The following BORA variants were observed in gnomAD, a reference collection of about 807,000 sequenced individuals.
BORA encodes the protein protein aurora borealis.
A neutral mutation model predicts 55.8 loss-of-function variants in BORA; 26 were observed. The ratio of observed to expected loss-of-function variants is 0.47; its 90% CI spans 0.34 to 0.65. The LOEUF is 0.65. BORA is among the 30% of genes least tolerant of loss of function. The pLI, the probability that BORA is intolerant of heterozygous loss-of-function variation, is 0.01. For synonymous variants in BORA, 201 were observed against 216.9 expected, an observed-to-expected ratio of 0.93 and a Z score of 0.64; for missense variants, 568 against 671.5, an observed-to-expected ratio of 0.85 and a Z score of 1.70.
chr13:72,735,007 T>C lies in BORA; in HGVS notation c.306+2T>C, dbSNP rs780844901. The C allele has an allele frequency of 6.3e-7, 1 of 1,586,136 alleles. No individual in the cohort carries two copies. On this transcript the variant is annotated splice_donor_variant, in intron 4 of 11. Coordinates refer to ENST00000390667, the MANE Select transcript of BORA (RefSeq NM_024808.5). LOFTEE classifies it high-confidence loss of function. ...AAAAGACAAAAAGCCATTGAAGAGG[T>C]AACTTAAACTGTTACTGATCATTAA...
At chr13:72,752,695 A>T (rs1476156463) in intron 10 of BORA, 11 of 152,208 alleles carry the variant, frequency 7.2e-5, no homozygotes, top group Admixed American at 6.5e-5. Context: ...CTTTTGTTCT[A>T]ATTGGAACAT....
chr13:72,731,337 A>G lies in BORA; in HGVS notation c.210A>G (p.Glu70=). Residue 70 remains glutamate, a synonymous_variant, in exon 3 of 12, where the codon GAA becomes GAG. Transcript: ENST00000390667. ...AACTAGCTGTAATAAATCCTGTAGA[A>G]ATAGACCCAGAAGATATTCATCGTC... ...IDQLAVINPV[E]IDPEDIHRQA... 1 of 1,612,736 alleles carries G rather than the reference A, an allele frequency of 6.2e-7. No individual in the cohort carries two copies. Among genetic ancestry groups the G allele is most frequent in the Non-Finnish European group, 8.5e-7 (1 of 1,179,290 alleles).
intron 10 of BORA, chr13:72,752,065 AAAAT>A (rs2138107512): frequency 6.6e-6 from 1 of 152,282 alleles, no homozygotes; most frequent in South Asian, 2.1e-4. Context: ...ATGTGGTAGA[AAAAT>A]AAATTTAGTA....
chr13:72,735,185 TC>T (rs2032894382), intron 4 of BORA, among the ~76,000 whole-genome samples, 180 bp downstream of exon 4: 1 of 152,200 alleles, frequency 6.6e-6, no homozygotes, highest in Admixed American at 6.5e-5. Context: ...TTTCCAGCTA[TC>T]CCAGTACCTT....
chr13:72,748,203 T>C (rs960229345), intron 10 of BORA, among the ~76,000 whole-genome samples: 1 of 152,200 alleles, frequency 6.6e-6, no homozygotes, highest in East Asian at 1.9e-4. Flanking sequence ...TGTACTGTTA[T>C]CCCTGTTTTA....
At position 72,747,011 on chromosome 13, in the gene BORA, A is replaced by G; in HGVS notation, c.1382A>G (p.Asp461Gly). 1 of 1,614,096 alleles carries G rather than the reference A, an allele frequency of 6.2e-7. No homozygotes were observed. The highest frequency in any genetic ancestry group is 8.5e-7 in the Non-Finnish European group (1 of 1,179,998). The change falls in exon 10 of 12, where the codon GAT (aspartate) becomes GGT (glycine). Residue 461 changes from aspartate to glycine, a missense_variant. Physicochemically the swap from Asp to Gly is moderately conservative, Grantham distance 94 (BLOSUM62 -1). Coordinates refer to ENST00000390667, the MANE Select transcript of BORA (RefSeq NM_024808.5). ...GATAATGGCAGTTTACCCATGACTG[A>G]TTTTGTAAGTGGCATTGCCTTCAGT... ...PVDNGSLPMT[D>G]FVSGIAFSIE...
intron 2 of BORA, among the ~76,000 whole-genome samples, chr13:72,729,652 A>G (rs1430039452): frequency 6.6e-6 from 1 of 152,250 alleles, no homozygotes; most frequent in African/African-American, 2.4e-5. Flanking sequence ...GCCATAGGCA[A>G]TGTGTAAAGA....
chr13:72,731,679 A>C (rs914558872), intron 3 of BORA, among the ~76,000 whole-genome samples: 1 of 152,134 alleles, frequency 6.6e-6, no homozygotes, highest in Non-Finnish European at 1.5e-5. Flanking sequence ...AACATTTTGA[A>C]ATTTGCACTT....
intron 3 of BORA, among the ~76,000 whole-genome samples, chr13:72,732,019 T>C (rs1349444967): frequency 6.6e-6 from 1 of 152,236 alleles, no homozygotes; most frequent in African/African-American, 2.4e-5. Context: ...AAGTGTAAGG[T>C]CCTATTATTC....
chr13:72,753,562 C>A, intron 10 of BORA, 128 bp from the exon 11 acceptor site: 1 of 973,302 alleles, frequency 1.0e-6, no homozygotes, highest in Non-Finnish European at 1.5e-6. Context: ...GAATTTTGTT[C>A]AACATGATCA....
At chr13:72,728,828 G>GT (rs1246690079) in intron 1 of BORA, 98 bp from the exon 2 acceptor site, 21 of 1,129,872 alleles carry the variant, frequency 1.9e-5, no homozygotes, top group Admixed American at 6.0e-5. Flanking sequence ...GTTTTGAGTT[G>GT]TTTTTTGTGA....
chr13:72,755,420 A>G lies in BORA; in HGVS notation c.*204A>G. 1 of 521,656 alleles carries G rather than the reference A, an allele frequency of 1.9e-6. No individual in the cohort carries two copies. The highest frequency in any genetic ancestry group is 3.4e-6 in the Non-Finnish European group (1 of 295,822). 32.3% of individuals were successfully genotyped at this position (521,656 alleles called of 1,614,324 possible). On this transcript the variant is annotated 3_prime_UTR_variant, in exon 12 of 12. Coordinates refer to ENST00000390667, the MANE Select transcript of BORA (RefSeq NM_024808.5). ...CTTCAAGTTGCTGAATTATAAGTTT[A>G]TTTTTTATCAATAAATATTTTTATA... is the stretch of plus-strand genomic sequence containing the variant.
intron 10 of BORA, among the ~76,000 whole-genome samples, chr13:72,750,268 T>C (rs1298070751): frequency 1.3e-5 from 2 of 152,180 alleles, no homozygotes; most frequent in East Asian, 3.8e-4. Context: ...CAAGCAACAT[T>C]GGGCTTGAAA....
chr13:72,749,419 A>G (rs1479570505), intron 10 of BORA, among the ~76,000 whole-genome samples: 4 of 151,986 alleles, frequency 2.6e-5, no homozygotes, highest in Non-Finnish European at 2.9e-5. Flanking sequence ...CACTTCTTGG[A>G]TCTTTTCTTG....
At position 72,737,832 on chromosome 13, in the gene BORA, G is replaced by A. The variant is rs140602437; in HGVS notation, c.307-130G>A. On this transcript the variant is annotated intron_variant, in intron 4 of 11. Coordinates refer to ENST00000390667, the MANE Select transcript of BORA (RefSeq NM_024808.5). ...TCTTCCATTTTTCCTTTGGTCATTT[G>A]TATTAAAATTTTTGCATACAGTTAT... 7 of 318,998 alleles carry A rather than the reference G, an allele frequency of 2.2e-5. 1 individual carries two copies. The highest frequency in any genetic ancestry group is 1.5e-4 in the African/African-American group (7 of 46,020). 19.8% of individuals were successfully genotyped at this position (318,998 alleles called of 1,614,324 possible). A position where few individuals can be genotyped will look rare whatever the true frequency, so the allele number is the denominator to read the frequency against.
chr13:72,727,964 A>T lies in BORA; in HGVS notation c.-59A>T. On this transcript the variant is annotated 5_prime_UTR_variant, in exon 1 of 12. Coordinates refer to ENST00000390667, the MANE Select transcript of BORA (RefSeq NM_024808.5). Reference sequence around the variant, plus strand: ...TCGTGGAAGCTGGCCTGGCCCCCGGAGCTCCCTGGAGTCGGTACTGGGGGC... The same window carrying T: ...TCGTGGAAGCTGGCCTGGCCCCCGGTGCTCCCTGGAGTCGGTACTGGGGGC... 1 of 1,550,524 alleles carries T rather than the reference A, an allele frequency of 6.4e-7. No individual in the cohort carries two copies. Among genetic ancestry groups the T allele is most frequent in the African/African-American group, 1.4e-5 (1 of 73,158 alleles).
chr13:72,746,812 C>T lies in BORA; in HGVS notation c.1183C>T (p.His395Tyr), dbSNP rs1239486067. The T allele has an allele frequency of 6.2e-7, 1 of 1,614,116 alleles. No homozygotes were observed. Among genetic ancestry groups the T allele is most frequent in the Non-Finnish European group, 8.5e-7 (1 of 1,180,000 alleles). The change falls in exon 10 of 12, where the codon CAT becomes TAT. Residue 395 changes from histidine to tyrosine, a missense_variant. By Grantham distance (83) the His-to-Tyr change is moderately conservative. Transcript: ENST00000390667. ...LRQFSNEAST[H>Y]GTHLVVTAMS... ...GCAGTTTAGTAATGAGGCTTCTACC[C>T]ATGGTACACATTTGGTTGTGACTGC...
chr13:72,755,862 T>C lies in BORA; in HGVS notation c.*646T>C. 2.5e-6 allele frequency: 1 copy of C among 398,566 alleles called. No homozygotes were observed. The highest frequency in any genetic ancestry group is 4.4e-6 in the Non-Finnish European group (1 of 226,070). 24.7% of individuals were successfully genotyped at this position (398,566 alleles called of 1,614,324 possible). A position where few individuals can be genotyped will look rare whatever the true frequency, so the allele number is the denominator to read the frequency against. ...TGTTATCTATGGGGCAAATGTGTGG[T>C]GCCCAGAATAAAATATACCTCATGC... On this transcript the variant is annotated 3_prime_UTR_variant, in exon 12 of 12. Coordinates refer to ENST00000390667, the MANE Select transcript of BORA (RefSeq NM_024808.5).
intron 4 of BORA, 143 bp downstream of exon 4, chr13:72,735,148 C>T (rs1049696993): frequency 2.0e-5 from 13 of 644,204 alleles, no homozygotes; most frequent in Admixed American, 8.7e-5. Context: ...TATAAAGCAC[C>T]CTTCTGTACT....
Sources: allele counts gnomAD v4.1 joint callset (sites outside exome capture counted in the v4.1 genomes callset), GRCh38; gene constraint gnomAD v4.1.1; transcripts MANE v1.5; gene names NCBI Gene and HGNC (gene_info 2026-07-23, HGNC 2026-07-21).